JAZF1: variants seen among roughly 807,000 people sequenced by gnomAD.
The protein encoded by JAZF1 is juxtaposed with another zinc finger protein 1.
A neutral mutation model predicts 26.4 loss-of-function variants in JAZF1; 8 were observed. The observed-to-expected ratio is 0.30, with a 90% CI of 0.18 to 0.55. JAZF1 has a LOEUF of 0.55. JAZF1 is among the 20% of genes least tolerant of loss of function. The probability of loss-of-function intolerance (pLI) is 0.94; values close to 1 mark genes in which losing one functional copy is unlikely to be tolerated. For synonymous variants in JAZF1, 126 were observed against 122.3 expected (o/e 1.03, Z -0.20); for missense variants, 199 against 322.0 (o/e 0.62, Z 2.92).
At chr7:27,928,805 G>C (rs1013336640) in intron 2 of JAZF1, among the ~76,000 whole-genome samples, 1 of 152,196 alleles carries the variant, frequency 6.6e-6, no homozygotes, top group Non-Finnish European at 1.5e-5. Context: ...AGGGTGGAAG[G>C]AGGGAGAGGA....
rs112011020 is a variant in JAZF1 at position 27,929,936 on chromosome 7, T to TTCTCTC, written c.189-34526_189-34521dup. Among the ~76,000 whole-genome samples the TTCTCTC allele has an allele frequency of 4.0e-3, 580 of 144,746 alleles. 2 individuals carry two copies. Among genetic ancestry groups the TTCTCTC allele is most frequent in the African/African-American group, 0.013 (512 of 39,312 alleles). The allele number at this position is 144,746 out of a possible 152,430, so 95.0% of individuals were successfully genotyped here. A position where few individuals can be genotyped will look rare whatever the true frequency, so the allele number is the denominator to read the frequency against. ...TATCCCTTCCTCCATATTTTCTGCA[T>TTCTCTC]TCTCTCTCTCTCTCTCTCTCTCTCC... On this transcript the variant is annotated intron_variant, in intron 2 of 4. Transcript: ENST00000283928.
chr7:27,930,459 T>C (rs1194356995), intron 2 of JAZF1, among the ~76,000 whole-genome samples: 1 of 152,210 alleles, frequency 6.6e-6, no homozygotes, highest in Non-Finnish European at 1.5e-5. Context: ...TGACAGTATC[T>C]CTGGAACATT....
chr7:28,019,480 C>CTTG (rs1782965918), intron 1 of JAZF1, among the ~76,000 whole-genome samples: 1 of 152,086 alleles, frequency 6.6e-6, no homozygotes, highest in South Asian at 2.1e-4. Context: ...AAGGCAGATC[C>CTTG]TACAAATTGC....
At chr7:27,895,526 C>T in intron 2 of JAZF1, 110 bp from the exon 3 acceptor site, 2 of 620,874 alleles carry the variant, frequency 3.2e-6, no homozygotes, top group South Asian at 3.2e-5. Flanking sequence ...ACCTTGGCCA[C>T]AGGTCAGTCC....
At chr7:28,003,356 G>T (rs963833985) in intron 1 of JAZF1, among the ~76,000 whole-genome samples, 5 of 152,188 alleles carry the variant, frequency 3.3e-5, no homozygotes, top group African/African-American at 1.2e-4. Context: ...CTGGGAGAAA[G>T]AGGAGGAAAA....
At chr7:28,011,956 C>A (rs1476214368) in intron 1 of JAZF1, among the ~76,000 whole-genome samples, 5 of 151,840 alleles carry the variant, frequency 3.3e-5, no homozygotes, top group Non-Finnish European at 7.4e-5. Flanking sequence ...TTTTTAAAAC[C>A]AAAAAAACTT....
At chr7:27,956,395 G>A (rs149190500) in intron 2 of JAZF1, among the ~76,000 whole-genome samples, 1 of 152,286 alleles carries the variant, frequency 6.6e-6, no homozygotes, top group African/African-American at 2.4e-5. Flanking sequence ...CTCTTTGGGG[G>A]TGTAACCCAG....
intron 3 of JAZF1, among the ~76,000 whole-genome samples, chr7:27,873,642 C>T (rs1332273264): frequency 2.0e-5 from 3 of 152,340 alleles, no homozygotes; most frequent in East Asian, 3.9e-4. Flanking sequence ...GCCTACTACC[C>T]CTTTTAACCA....
intron 1 of JAZF1, among the ~76,000 whole-genome samples, chr7:28,141,947 C>T (rs1782965557): frequency 6.6e-6 from 1 of 152,030 alleles, no homozygotes. Flanking sequence ...AGAAAAAAGA[C>T]TACAGTCAGA....
intron 1 of JAZF1, among the ~76,000 whole-genome samples, chr7:27,998,917 C>G (rs765661162): frequency 6.6e-6 from 1 of 152,200 alleles, no homozygotes; most frequent in Non-Finnish European, 1.5e-5. Flanking sequence ...TACTTCCCAA[C>G]TTTACCAATC....
At chr7:27,908,031 A>G (rs1166941170) in intron 2 of JAZF1, among the ~76,000 whole-genome samples, 1 of 152,244 alleles carries the variant, frequency 6.6e-6, no homozygotes, top group East Asian at 1.9e-4. Context: ...CATTTGGTAC[A>G]TACTTTATCC....
chr7:28,029,383 T>C (rs1042403163), intron 1 of JAZF1, among the ~76,000 whole-genome samples: 9 of 152,228 alleles, frequency 5.9e-5, no homozygotes, highest in African/African-American at 2.2e-4. Flanking sequence ...CATCACACTT[T>C]GTCTGTTGTA....
chr7:27,846,022 G>T (rs1376047373), intron 3 of JAZF1, among the ~76,000 whole-genome samples: 2 of 151,980 alleles, frequency 1.3e-5, no homozygotes, highest in Non-Finnish European at 2.9e-5. Context: ...TCCTGCTTGG[G>T]GGTCCAGAGG....
chr7:28,099,797 C>T (rs895540289), intron 1 of JAZF1, among the ~76,000 whole-genome samples: 1 of 152,154 alleles, frequency 6.6e-6, no homozygotes, highest in African/African-American at 2.4e-5. Flanking sequence ...TTTTTAAAAG[C>T]TAACCAGTGA....
At chr7:27,931,581 G>A (rs919754538) in intron 2 of JAZF1, among the ~76,000 whole-genome samples, 2 of 152,214 alleles carry the variant, frequency 1.3e-5, no homozygotes, top group African/African-American at 2.4e-5. Context: ...TTGGGAGGCT[G>A]AGGCAGGCAG....
chr7:27,873,055 G>C (rs182360996), intron 3 of JAZF1, among the ~76,000 whole-genome samples: 1 of 152,116 alleles, frequency 6.6e-6, no homozygotes, highest in Non-Finnish European at 1.5e-5. Context: ...TATATTAAGC[G>C]ACGGGGTAGG....
At chr7:27,860,551 G>T (rs1783361430) in intron 3 of JAZF1, among the ~76,000 whole-genome samples, 1 of 152,130 alleles carries the variant, frequency 6.6e-6, no homozygotes, top group Non-Finnish European at 1.5e-5. Context: ...CTCACTACAG[G>T]CCAGGCACAG....
intron 2 of JAZF1, among the ~76,000 whole-genome samples, chr7:27,989,715 A>G (rs1456189105): frequency 2.0e-5 from 3 of 152,240 alleles, no homozygotes; most frequent in African/African-American, 2.4e-5. Flanking sequence ...AGAGAAATGC[A>G]AATCAAAACC....
intron 1 of JAZF1, among the ~76,000 whole-genome samples, chr7:28,019,733 T>C (rs1782970986): frequency 6.6e-6 from 1 of 152,144 alleles, no homozygotes; most frequent in Non-Finnish European, 1.5e-5. Flanking sequence ...TGGGGAGATA[T>C]TTGCTGAAAC....
Sources: gnomAD v4.1 joint callset for allele counts (sites outside exome capture counted in the v4.1 genomes callset) on GRCh38, gnomAD v4.1.1 for gene constraint, MANE v1.5 for transcripts, NCBI Gene and HGNC (gene_info 2026-07-23, HGNC 2026-07-21) for gene names.